Variants in PICALM observed in about 807,000 individuals in gnomAD.
PICALM encodes the protein phosphatidylinositol-binding clathrin assembly protein.
Under a neutral mutation model 80.5 loss-of-function variants are expected in PICALM, and 40 were observed. The ratio of observed to expected loss-of-function variants is 0.50; its 90% CI spans 0.39 to 0.65. PICALM has a LOEUF of 0.65. Among genes scored for constraint, PICALM ranks in the 30% least tolerant of loss-of-function variants. PICALM has a pLI of 0.00. For synonymous variants in PICALM, 288 were observed against 260.3 expected (o/e 1.11, Z -1.02); for missense variants, 676 against 778.9 (o/e 0.87, Z 1.57).
intron 14 of PICALM, among the ~76,000 whole-genome samples, chr11:85,982,474 G>A (rs1213113924): frequency 8.4e-6 from 1 of 118,944 alleles, no homozygotes; most frequent in Non-Finnish European, 1.6e-5. Flanking sequence ...AGGTCGGACT[G>A]CGGACTGCAG....
intron 1 of PICALM, among the ~76,000 whole-genome samples, chr11:86,040,833 A>C (rs373431362): frequency 1.3e-5 from 2 of 152,170 alleles, no homozygotes; most frequent in Non-Finnish European, 2.9e-5. Context: ...CAAATAAACA[A>C]TGGATTCACC....
intron 4 of PICALM, among the ~76,000 whole-genome samples, chr11:86,015,659 G>A (rs1276804959): frequency 6.6e-6 from 1 of 152,168 alleles, no homozygotes; most frequent in African/African-American, 2.4e-5. Context: ...GTACATGAAA[G>A]GTACTGGGGC....
At chr11:86,010,947 T>G in intron 7 of PICALM, 83 bp downstream of exon 7, 1 of 678,570 alleles carries the variant, frequency 1.5e-6, no homozygotes, top group Non-Finnish European at 2.6e-6. Flanking sequence ...ATTTATTTTA[T>G]TTGGATAGTG....
chr11:86,062,091 T>G (rs1274756677), intron 1 of PICALM, among the ~76,000 whole-genome samples: 1 of 152,202 alleles, frequency 6.6e-6, no homozygotes, highest in Non-Finnish European at 1.5e-5. Context: ...AAATAGTGGT[T>G]GCCAGTGGCT....
intron 19 of PICALM, among the ~76,000 whole-genome samples, chr11:85,965,815 GTT>G (rs914561533): frequency 3.7e-5 from 4 of 108,156 alleles, no homozygotes; most frequent in Admixed American, 1.1e-4. Context: ...TTGTTTTTTT[GTT>G]TTTTTTTTTT....
In PICALM at chr11:86,068,833, C is replaced by A; in HGVS notation, c.-53G>T. On this transcript the variant is annotated 5_prime_UTR_variant, in exon 1 of 20. Transcript: ENST00000393346. ...GCTCAGCAGCCGGCGGGGACTGGGA[C>A]CCCCAAGAGCCGGAGGGTCCCCACC... The A allele has an allele frequency of 6.5e-7, 1 of 1,531,578 alleles. No homozygotes were observed. Among genetic ancestry groups the A allele is most frequent in the Non-Finnish European group, 8.8e-7 (1 of 1,142,552 alleles). The allele number at this position is 1,531,578 out of a possible 1,614,324, so 94.9% of individuals were successfully genotyped here.
chr11:86,005,714 T>A (rs1210448257), intron 8 of PICALM, among the ~76,000 whole-genome samples: 1 of 138,690 alleles, frequency 7.2e-6, no homozygotes, highest in East Asian at 2.1e-4. Flanking sequence ...TTTCTCTCCC[T>A]CCCCCAACAA....
At chr11:86,059,226 T>C (rs1378199210) in intron 1 of PICALM, among the ~76,000 whole-genome samples, 1 of 152,238 alleles carries the variant, frequency 6.6e-6, no homozygotes, top group African/African-American at 2.4e-5. Flanking sequence ...GGAGGTTAAG[T>C]ATAATCATTC....
At chr11:85,981,710 A>T (rs1301507413) in intron 16 of PICALM, 35 bp downstream of exon 16, 3 of 1,528,916 alleles carry the variant, frequency 2.0e-6, no homozygotes, top group Admixed American at 3.4e-5. Flanking sequence ...ACTAAATAAC[A>T]CACGGAGAAA....
chr11:86,033,225 C>A (rs2095789132), intron 1 of PICALM, among the ~76,000 whole-genome samples: 1 of 152,190 alleles, frequency 6.6e-6, no homozygotes, highest in Non-Finnish European at 1.5e-5. Flanking sequence ...ACTTTATACA[C>A]ACAAACACAC....
chr11:86,064,008 C>A (rs188132618), intron 1 of PICALM, among the ~76,000 whole-genome samples: 1 of 152,120 alleles, frequency 6.6e-6, no homozygotes, highest in South Asian at 2.1e-4. Flanking sequence ...CTTGACAATA[C>A]GCAAACTAAG....
chr11:85,984,297 G>C (rs993977440), intron 13 of PICALM, among the ~76,000 whole-genome samples: 3 of 152,052 alleles, frequency 2.0e-5, no homozygotes, highest in Non-Finnish European at 4.4e-5. Context: ...AAAATTACAA[G>C]ATTTTGCATG....
chr11:85,980,878 T>G (rs1281953397), intron 17 of PICALM, among the ~76,000 whole-genome samples: 1 of 152,190 alleles, frequency 6.6e-6, no homozygotes, highest in Admixed American at 6.5e-5. Flanking sequence ...AATAGGAGGA[T>G]TATAAAAAAT....
At chr11:86,040,587 C>T (rs895086763) in intron 1 of PICALM, among the ~76,000 whole-genome samples, 3 of 152,110 alleles carry the variant, frequency 2.0e-5, no homozygotes, top group Non-Finnish European at 4.4e-5. Flanking sequence ...ATCTATATCC[C>T]TAACATTTAC....
At chr11:86,003,970 G>C in intron 8 of PICALM, among the ~76,000 whole-genome samples, 1 of 152,110 alleles carries the variant, frequency 6.6e-6, no homozygotes, top group East Asian at 1.9e-4. Flanking sequence ...TGAGCATATG[G>C]AACAACTGGA....
At chr11:86,012,796 ACTAT>A (rs1182424725) in intron 5 of PICALM, among the ~76,000 whole-genome samples, 1 of 152,148 alleles carries the variant, frequency 6.6e-6, no homozygotes, top group African/African-American at 2.4e-5. Context: ...TTATTTGCAG[ACTAT>A]CTAGTAGAGC....
At chr11:85,993,909 A>G (rs1180284766) in intron 12 of PICALM, among the ~76,000 whole-genome samples, 2 of 151,942 alleles carry the variant, frequency 1.3e-5, no homozygotes, top group African/African-American at 2.4e-5. Flanking sequence ...TGGTAGAGAC[A>G]AGGTATTGCT....
intron 19 of PICALM, among the ~76,000 whole-genome samples, chr11:85,961,984 A>G (rs1198020146): frequency 2.0e-5 from 3 of 152,208 alleles, no homozygotes; most frequent in Admixed American, 1.3e-4. Context: ...AGATCAATTT[A>G]TAGGCATCAG....
chr11:86,037,069 C>A (rs2095854225), intron 1 of PICALM, among the ~76,000 whole-genome samples: 1 of 151,586 alleles, frequency 6.6e-6, no homozygotes, highest in Non-Finnish European at 1.5e-5. Context: ...CCTCAGCCTG[C>A]CAAGCAGCTG....
Sources: allele counts gnomAD v4.1 joint callset (sites outside exome capture counted in the v4.1 genomes callset), GRCh38; gene constraint gnomAD v4.1.1; transcripts MANE v1.5; gene names NCBI Gene and HGNC (gene_info 2026-07-23, HGNC 2026-07-21).